CHRNB1: variants seen among roughly 807,000 people sequenced by gnomAD.
The protein encoded by CHRNB1 is acetylcholine receptor subunit beta.
CHRNB1 carries 47 observed loss-of-function variants against 53.8 expected under a neutral mutation model. The ratio of observed to expected loss-of-function variants is 0.87; its 90% CI spans 0.69 to 1.11. The LOEUF (loss-of-function observed/expected upper bound fraction) is 1.11. Ranked by LOEUF, CHRNB1 falls within the 50% of genes most tolerant of loss-of-function variation. CHRNB1 has a pLI of 0.00. For missense variants in CHRNB1, 605 were observed against 654.9 expected, an observed-to-expected ratio of 0.92 and a Z score of 0.83; for synonymous variants, 259 against 263.5, an observed-to-expected ratio of 0.98 and a Z score of 0.16.
intron 10 of CHRNB1, among the ~76,000 whole-genome samples, chr17:7,456,303 T>G (rs753721203): frequency 6.6e-6 from 1 of 152,010 alleles, no homozygotes; most frequent in Non-Finnish European, 1.5e-5. Context: ...ATCCGCTCGC[T>G]TCGGCCTCCC....
chr17:7,456,533 C>G (rs1272286071), intron 10 of CHRNB1, 50 bp from the exon 11 acceptor site: 1 of 1,612,814 alleles, frequency 6.2e-7, no homozygotes, highest in Non-Finnish European at 8.5e-7. Flanking sequence ...GGGGGGTTTC[C>G]CTGGGGGTCT....
intron 3 of CHRNB1, chr17:7,446,482 TG>T (rs1908635680): frequency 3.9e-6 from 2 of 512,004 alleles, no homozygotes; most frequent in African/African-American, 3.8e-5. Flanking sequence ...CGTGAGCCAC[TG>T]CACCTGGCCC....
chr17:7,446,081 G>A lies in CHRNB1; in HGVS notation c.211G>A (p.Glu71Lys), dbSNP rs1449937608. 6.2e-7 allele frequency: 1 copy of A among 1,614,066 alleles called. No individual in the cohort carries two copies. Among genetic ancestry groups the A allele is most frequent in the Non-Finnish European group, 8.5e-7 (1 of 1,179,954 alleles). Residue 71 changes from glutamate to lysine, a missense_variant, in exon 3 of 11, where the codon GAA becomes AAA. Coordinates refer to ENST00000306071, the MANE Select transcript of CHRNB1 (RefSeq NM_000747.3). ...AQLISLNEKD[E>K]EMSTKVYLDL... is the part of the protein sequence containing the mutation. ...TTTTCCCTTCTAGAACGAGAAGGAT[G>A]AAGAGATGAGCACAAAGGTGTACTT...
chr17:7,446,362 T>C, intron 3 of CHRNB1: 1 of 563,030 alleles, frequency 1.8e-6, no homozygotes, highest in South Asian at 2.0e-5. Flanking sequence ...TGTGTGTGTG[T>C]GTGTGTGTGT....
At chr17:7,455,550 C>A in intron 9 of CHRNB1, 94 bp downstream of exon 9, 1 of 1,473,716 alleles carries the variant, frequency 6.8e-7, no homozygotes, top group Non-Finnish European at 9.5e-7. Context: ...TCTCGGAAGA[C>A]GCTGTGGTTG....
chr17:7,446,217 C>T, intron 3 of CHRNB1, 104 bp downstream of exon 3: 4 of 1,011,974 alleles, frequency 4.0e-6, no homozygotes, highest in South Asian at 3.9e-5. Context: ...CTTTAGATAA[C>T]ACGTTTATAA....
At chr17:7,446,584 A>T in intron 3 of CHRNB1, 2 of 576,898 alleles carry the variant, frequency 3.5e-6, no homozygotes, top group Non-Finnish European at 6.2e-6. Context: ...ACCGTTTTAG[A>T]GGCTAGCTAC....
rs2150836676 is a variant in CHRNB1, at chr17:7,445,068, CCCCTGTGCTGGCGGTCCCAGCGGCT to C, written c.-58_-34del. The C allele has an allele frequency of 6.4e-7, 1 of 1,569,310 alleles. No homozygotes were observed. The highest frequency in any genetic ancestry group is 2.3e-5 in the East Asian group (1 of 43,546). On this transcript the variant is annotated 5_prime_UTR_variant, in exon 1 of 11. Transcript: ENST00000306071. This position sits in a 1 kb window ranked among gnomAD's most constrained non-coding sequence, Gnocchi z 5.7. ...CACATTCCCGGGCTCCTCGTCACTT[CCCCTGTGCTGGCGGTCCCAGCGGCT>C]CTCTGAGCGAAGTCACTGAGCGAGC...
intron 7 of CHRNB1, among the ~76,000 whole-genome samples, chr17:7,452,057 CTTTTTTT>C (rs34297883): frequency 2.2e-5 from 3 of 138,836 alleles, no homozygotes; most frequent in East Asian, 2.1e-4. Flanking sequence ...TTTCCTTTTT[CTTTTTTT>C]TTTTTTTTTT....
chr17:7,453,701 A>G (rs1908969068), intron 7 of CHRNB1, among the ~76,000 whole-genome samples: 2 of 149,240 alleles, frequency 1.3e-5, no homozygotes, highest in South Asian at 2.1e-4. Flanking sequence ...AGTCCTCCCA[A>G]CTCAGCCTCT....
At position 7,448,590 on chromosome 17, in the gene CHRNB1, T is replaced by A. The variant is rs1279157901; in HGVS notation, c.622T>A (p.Trp208Arg). The A allele has an allele frequency of 6.2e-7, 1 of 1,613,920 alleles. No individual in the cohort carries two copies. The highest frequency in any genetic ancestry group is 8.5e-7 in the Non-Finnish European group (1 of 1,179,988). The change falls in exon 7 of 11, where the codon TGG (tryptophan) becomes AGG (arginine). Residue 208 changes from tryptophan to arginine, a missense_variant. Coordinates refer to ENST00000306071, the MANE Select transcript of CHRNB1 (RefSeq NM_000747.3). ...CTGCTCATCCCCAGAGAATGGCCAGTGGGAGATTATCCACAAGCCCTCTCG... is the reference window on the plus strand; with the variant it reads ...CTGCTCATCCCCAGAGAATGGCCAGAGGGAGATTATCCACAAGCCCTCTCG... ...HEGTFIENGQ[W>R]EIIHKPSRLI... is the part of the protein sequence containing the mutation.
intron 7 of CHRNB1, among the ~76,000 whole-genome samples, chr17:7,453,797 AC>A (rs1379043717): frequency 6.6e-6 from 1 of 151,288 alleles, no homozygotes; most frequent in Non-Finnish European, 1.5e-5. Flanking sequence ...AAAGTGGCTC[AC>A]GCCTGTAATC....
chr17:7,453,914 A>G (rs1355536758), intron 7 of CHRNB1, among the ~76,000 whole-genome samples: 2 of 152,078 alleles, frequency 1.3e-5, no homozygotes, highest in African/African-American at 4.8e-5. Flanking sequence ...TACAAAAATT[A>G]GCTGGGCATG....
At chr17:7,448,074 CAAA>C (rs71157286) in intron 6 of CHRNB1, among the ~76,000 whole-genome samples, 17 of 16,692 alleles carry the variant, frequency 1.0e-3, no homozygotes, top group South Asian at 5.6e-3. Flanking sequence ...AAGTTCGTCT[CAAA>C]AAAAAAAAAA....
chr17:7,446,598 A>G, intron 3 of CHRNB1: 1 of 586,368 alleles, frequency 1.7e-6, no homozygotes, highest in Non-Finnish European at 3.0e-6. Flanking sequence ...TAGCTACTGC[A>G]GCCTCCTCAT....
intron 3 of CHRNB1, 191 bp downstream of exon 3, chr17:7,446,304 T>TGC: frequency 3.1e-6 from 1 of 326,468 alleles, no homozygotes; most frequent in Non-Finnish European, 5.3e-6. Flanking sequence ...ATTCCAATTT[T>TGC]GTGTGTGTGT....
rs1597756170 is a variant in CHRNB1, at chr17:7,456,884, T to C, written c.*161T>C. ...TTGGACTGAGGGCTGGGTAGGCAGG[T>C]GTCTTGGACCCACCTGAAATGCAGT... On this transcript the variant is annotated 3_prime_UTR_variant, in exon 11 of 11. Coordinates refer to ENST00000306071, the MANE Select transcript of CHRNB1 (RefSeq NM_000747.3). The C allele has an allele frequency of 2.3e-6, 2 of 858,908 alleles. No individual in the cohort carries two copies. Among genetic ancestry groups the C allele is most frequent in the South Asian group, 3.2e-5 (2 of 63,224 alleles). The allele number at this position is 858,908 out of a possible 1,614,324, so 53.2% of individuals were successfully genotyped here. A position where few individuals can be genotyped will look rare whatever the true frequency, so the allele number is the denominator to read the frequency against.
Position 7,447,116 on chromosome 17 carries a change from C to A in CHRNB1, c.427C>A (p.Pro143Thr), listed in dbSNP as rs753874135. The stretch of plus-strand genomic sequence containing the variant: ...CTCCGACGGCTCCGTGCGTTGGCAA[C>A]CCCCGGGCATCTATCGCAGCAGCTG... Reference protein sequence around the residue: ...VSSDGSVRWQPPGIYRSSCSI... With the variant: ...VSSDGSVRWQTPGIYRSSCSI... Residue 143 changes from proline to threonine, a missense_variant, in exon 5 of 11, where the codon CCC becomes ACC. Coordinates refer to ENST00000306071, the MANE Select transcript of CHRNB1 (RefSeq NM_000747.3). 6.2e-7 allele frequency: 1 copy of A among 1,614,096 alleles called. No homozygotes were observed. Among genetic ancestry groups the A allele is most frequent in the Non-Finnish European group, 8.5e-7 (1 of 1,180,002 alleles).
intron 7 of CHRNB1, 126 bp downstream of exon 7, chr17:7,448,914 A>G: frequency 1.0e-6 from 1 of 982,192 alleles, no homozygotes; most frequent in Non-Finnish European, 1.6e-6. Flanking sequence ...AATCCCGCCC[A>G]GGCTCTGCCT....
Sources: allele counts gnomAD v4.1 joint callset (sites outside exome capture counted in the v4.1 genomes callset), GRCh38; gene constraint gnomAD v4.1.1; non-coding constraint Gnocchi (gnomAD v3.1); transcripts MANE v1.5; gene names NCBI Gene and HGNC (gene_info 2026-07-23, HGNC 2026-07-21).